FBXO10: variants seen among roughly 807,000 people sequenced by gnomAD.
FBXO10 encodes the protein F-box only protein 10.
In FBXO10, 39 loss-of-function variants were observed where a neutral mutation model predicts 80.7. The observed-to-expected ratio is 0.48, with a 90% CI of 0.37 to 0.63. FBXO10 has a LOEUF of 0.63. FBXO10 is among the 30% of genes least tolerant of loss of function. FBXO10 has a pLI of 0.00. For missense variants in FBXO10, 1,025 were observed against 1,269.0 expected, an observed-to-expected ratio of 0.81 and a Z score of 2.92; for synonymous variants, 449 against 489.6, an observed-to-expected ratio of 0.92 and a Z score of 1.09.
chr9:37,550,169 GTTTTTT>G lies in FBXO10; in HGVS notation c.-6-8401_-6-8396del, dbSNP rs74171511. On this transcript the variant is annotated intron_variant, in intron 1 of 10. Coordinates refer to ENST00000432825, the MANE Select transcript of FBXO10 (RefSeq NM_012166.3). ...CAGTTTTCTTTTTTTGTCGTCTCAG[GTTTTTT>G]TTTTTTTTTTTTTTTTTTTTTTTTT... is the stretch of plus-strand genomic sequence containing the variant. Among the ~76,000 whole-genome samples, 23 of 68,004 alleles carry G rather than the reference GTTTTTT, an allele frequency of 3.4e-4. 1 individual carries two copies. Among genetic ancestry groups the G allele is most frequent in the East Asian group, 1.5e-3 (2 of 1,310 alleles). The allele number at this position is 68,004 out of a possible 152,430, so 44.6% of individuals were successfully genotyped here. A position where few individuals can be genotyped will look rare whatever the true frequency, so the allele number is the denominator to read the frequency against.
intron 4 of FBXO10, among the ~76,000 whole-genome samples, chr9:37,529,570 C>T (rs1821564363): frequency 6.6e-6 from 1 of 152,180 alleles, no homozygotes; most frequent in Non-Finnish European, 1.5e-5. Flanking sequence ...TAATGAGTCC[C>T]CTAAACACAT....
rs1330801583 is a variant in FBXO10 at position 37,510,894 on chromosome 9, C to A, written c.*1653G>T. 1.3e-5 allele frequency: 2 copies of A among 152,616 alleles called. No individual in the cohort carries two copies. Among genetic ancestry groups the A allele is most frequent in the Non-Finnish European group, 2.9e-5 (2 of 68,040 alleles). The allele number at this position is 152,616 out of a possible 1,614,324, so 9.5% of individuals were successfully genotyped here. A position where few individuals can be genotyped will look rare whatever the true frequency, so the allele number is the denominator to read the frequency against. ...GACTAAGGAAAGGCTTCCAAAAGTG[C>A]CTTTTTTAAAATATAGAACTTTATT... On this transcript the variant is annotated 3_prime_UTR_variant, in exon 11 of 11. Transcript: ENST00000432825.
rs1340728625 is a variant in FBXO10 at position 37,511,128 on chromosome 9, A to T, written c.*1419T>A. On this transcript the variant is annotated 3_prime_UTR_variant, in exon 11 of 11. Coordinates refer to ENST00000432825, the MANE Select transcript of FBXO10 (RefSeq NM_012166.3). Reference sequence around the variant, plus strand: ...GGCTCCCTCTACCCCCTCCCATCCCACCCAACAGAGCAGCACCTAGGGCCA... The same window carrying T: ...GGCTCCCTCTACCCCCTCCCATCCCTCCCAACAGAGCAGCACCTAGGGCCA... 7.1e-6 allele frequency: 1 copy of T among 141,548 alleles called. No individual in the cohort carries two copies. The highest frequency in any genetic ancestry group is 1.5e-5 in the Non-Finnish European group (1 of 64,930). The allele number at this position is 141,548 out of a possible 1,614,324, so 8.8% of individuals were successfully genotyped here. A position where few individuals can be genotyped will look rare whatever the true frequency, so the allele number is the denominator to read the frequency against.
chr9:37,514,237 C>T (rs1294435670), intron 10 of FBXO10, among the ~76,000 whole-genome samples: 1 of 152,118 alleles, frequency 6.6e-6, no homozygotes, highest in African/African-American at 2.4e-5. Flanking sequence ...AGTTTGGCAG[C>T]AGGGGAGCAC....
chr9:37,529,751 G>A (rs1049537301), intron 4 of FBXO10, among the ~76,000 whole-genome samples: 2 of 152,282 alleles, frequency 1.3e-5, no homozygotes, highest in South Asian at 2.1e-4. Flanking sequence ...GAGGGCCAGC[G>A]GAAGATGCAG....
At chr9:37,527,714 G>A (rs1340203078) in intron 5 of FBXO10, among the ~76,000 whole-genome samples, 2 of 152,170 alleles carry the variant, frequency 1.3e-5, no homozygotes, top group Non-Finnish European at 2.9e-5. Flanking sequence ...GGGGCAGGCA[G>A]GGACTGTTCT....
chr9:37,541,078 A>G (rs945974039), intron 2 of FBXO10, 106 bp downstream of exon 2: 2 of 972,760 alleles, frequency 2.1e-6, no homozygotes, highest in Non-Finnish European at 3.0e-6. Context: ...TATAATAATA[A>G]CTCTTAACTT....
intron 3 of FBXO10, chr9:37,536,065 T>C (rs1221055023): frequency 6.6e-6 from 1 of 152,160 alleles, no homozygotes; most frequent in Non-Finnish European, 1.5e-5. Context: ...CAAAGTAACA[T>C]CACCTGAAAT....
In FBXO10 at chr9:37,537,243, C is replaced by A; in HGVS notation, c.1286G>T (p.Gly429Val). The A allele has an allele frequency of 1.9e-6, 3 of 1,613,902 alleles. No individual in the cohort carries two copies. The highest frequency in any genetic ancestry group is 2.5e-6 in the Non-Finnish European group (3 of 1,179,908). Reference sequence around the variant, plus strand: ...GAAGAGGCACTTGCGGATGAGGCAGCCCTGCACGGAGTTGGCCAGTGCCAT... The same window carrying A: ...GAAGAGGCACTTGCGGATGAGGCAGACCTGCACGGAGTTGGCCAGTGCCAT... ...EAMALANSVQ[G>V]CLIRKCLFRD... is the part of the protein sequence containing the mutation. The change falls in exon 3 of 11, where the codon GGC becomes GTC. Residue 429 changes from glycine (G) to valine (V), a missense_variant. Physicochemically the swap from Gly to Val is moderately radical, Grantham distance 109. Transcript: ENST00000432825.
chr9:37,521,636 C>T lies in FBXO10; in HGVS notation c.2133G>A (p.Glu711=). Residue 711 remains glutamate, a synonymous_variant, in exon 8 of 11, where the codon GAG becomes GAA. Transcript: ENST00000432825. ...AILWETELEK[E]DDPLRRPITI... ...TGATGGGCCGGCGCAGTGGGTCGTC[C>T]TCCTTCTCCAGCTCTGTCTCCCAGA... The T allele has an allele frequency of 6.2e-7, 1 of 1,613,968 alleles. No homozygotes were observed. The highest frequency in any genetic ancestry group is 8.5e-7 in the Non-Finnish European group (1 of 1,179,886).
chr9:37,569,395 CAAAAAA>C (rs35292200), intron 1 of FBXO10, among the ~76,000 whole-genome samples: 2 of 123,122 alleles, frequency 1.6e-5, no homozygotes, highest in Non-Finnish European at 3.3e-5. Flanking sequence ...AGATATAAAG[CAAAAAA>C]AAAAAAAAAA....
At chr9:37,535,445 G>A (rs910448385) in intron 3 of FBXO10, among the ~76,000 whole-genome samples, 2 of 151,856 alleles carry the variant, frequency 1.3e-5, no homozygotes, top group African/African-American at 2.4e-5. Context: ...TCCACCTCCC[G>A]GGTTCAAGCA....
intron 1 of FBXO10, among the ~76,000 whole-genome samples, chr9:37,573,100 T>C (rs1415004600): frequency 4.6e-5 from 7 of 152,162 alleles, no homozygotes. Context: ...CTGTCATTCC[T>C]GAGAATCATC....
At position 37,541,628 on chromosome 9, in the gene FBXO10, C is replaced by A; in HGVS notation, c.141G>T (p.Gln47His). ...ILSLDSTRWR[Q>H]LCLGCTECRH... ...GGCACTCGGTGCAACCCAGACACAG[C>A]TGCCGCCAGCGGGTGCTGTCGAGAC... is the stretch of plus-strand genomic sequence containing the variant. Residue 47 changes from glutamine to histidine, a missense_variant, in exon 2 of 11, where the codon CAG becomes CAT. Around this residue, in one of 3 missense-constraint regions of FBXO10, gnomAD observed 450 missense variants for 499.4 expected, o/e 0.90. Coordinates refer to ENST00000432825, the MANE Select transcript of FBXO10 (RefSeq NM_012166.3). 2.5e-6 allele frequency: 4 copies of A among 1,613,880 alleles called. No homozygotes were observed. The highest frequency in any genetic ancestry group is 3.4e-6 in the Non-Finnish European group (4 of 1,179,832).
At chr9:37,554,091 A>G (rs7341863) in intron 1 of FBXO10, among the ~76,000 whole-genome samples, 4,047 of 152,260 alleles carry the variant, frequency 0.027, 194 homozygotes, top group African/African-American at 0.092. Flanking sequence ...TCACTTGTGT[A>G]TGTGTATTAA....
chr9:37,556,533 ATTTTTTTTT>A (rs60829486), intron 1 of FBXO10, among the ~76,000 whole-genome samples: 3 of 75,116 alleles, frequency 4.0e-5, no homozygotes, highest in Admixed American at 1.7e-4. Flanking sequence ...TTTGTTCTGG[ATTTTTTTTT>A]TTTTTTTTTT....
At chr9:37,567,718 T>C (rs1345434618) in intron 1 of FBXO10, among the ~76,000 whole-genome samples, 1 of 152,036 alleles carries the variant, frequency 6.6e-6, no homozygotes, top group African/African-American at 2.4e-5. Context: ...TTAGTAGAGA[T>C]GGGGTTTCAC....
chr9:37,527,503 A>C (rs1821506610), intron 5 of FBXO10, among the ~76,000 whole-genome samples: 1 of 152,220 alleles, frequency 6.6e-6, no homozygotes, highest in South Asian at 2.1e-4. Context: ...CTGGCCCAGA[A>C]TGCCTTTTCC....
chr9:37,548,916 T>A (rs1489048446), intron 1 of FBXO10, among the ~76,000 whole-genome samples: 3 of 152,238 alleles, frequency 2.0e-5, no homozygotes, highest in Non-Finnish European at 2.9e-5. Flanking sequence ...GCCCTGCTCA[T>A]TTTTTGTAAT....
Sources: allele counts gnomAD v4.1 joint callset (sites outside exome capture counted in the v4.1 genomes callset), GRCh38; gene constraint gnomAD v4.1.1; regional missense constraint gnomAD v4.1.1; transcripts MANE v1.5; gene names NCBI Gene and HGNC (gene_info 2026-07-23, HGNC 2026-07-21).